The following ROBO1 variants were observed in gnomAD, a reference collection of about 807,000 sequenced individuals.
ROBO1 encodes roundabout homolog 1.
A neutral mutation model predicts 195.9 loss-of-function variants in ROBO1; 149 were observed. The observed-to-expected ratio is 0.76, with a 90% CI of 0.67 to 0.87. The LOEUF (loss-of-function observed/expected upper bound fraction) is 0.87. Ranked by LOEUF, ROBO1 falls within the 40% of genes least tolerant of loss-of-function variation. The pLI, the probability that ROBO1 is intolerant of heterozygous loss-of-function variation, is 0.00. For synonymous variants in ROBO1, 816 were observed against 733.2 expected (o/e 1.11, Z -1.82); for missense variants, 1,933 against 2,068.3 (o/e 0.93, Z 1.27).
chr3:78,704,089 T>G (rs557652700), intron 8 of ROBO1, among the ~76,000 whole-genome samples: 2 of 152,228 alleles, frequency 1.3e-5, no homozygotes, highest in East Asian at 3.9e-4. Flanking sequence ...AGATCTTGGA[T>G]TATACTAAAC....
At chr3:78,843,208 T>G (rs1195871377) in intron 4 of ROBO1, among the ~76,000 whole-genome samples, 1 of 152,126 alleles carries the variant, frequency 6.6e-6, no homozygotes, top group Non-Finnish European at 1.5e-5. Flanking sequence ...ATATCCTTTT[T>G]AAAATTTCTG....
intron 4 of ROBO1, among the ~76,000 whole-genome samples, chr3:78,756,135 G>A (rs896654660): frequency 3.9e-5 from 6 of 151,936 alleles, no homozygotes; most frequent in South Asian, 4.1e-4. Context: ...ATACAGACAC[G>A]TGACATACAT....
At chr3:79,283,737 G>C (rs549074193) in intron 2 of ROBO1, among the ~76,000 whole-genome samples, 1 of 146,302 alleles carries the variant, frequency 6.8e-6, no homozygotes, top group Non-Finnish European at 1.5e-5. Flanking sequence ...TCGCTCTGTC[G>C]CCCAGGCTGG....
At chr3:79,609,267 T>G (rs1944583078) in intron 1 of ROBO1, among the ~76,000 whole-genome samples, 1 of 151,292 alleles carries the variant, frequency 6.6e-6, no homozygotes, top group East Asian at 1.9e-4. Flanking sequence ...GCTAGCAACT[T>G]CTAAGGAAAA....
chr3:79,480,748 G>T (rs1370142377), intron 2 of ROBO1, among the ~76,000 whole-genome samples: 3 of 152,070 alleles, frequency 2.0e-5, no homozygotes, highest in Non-Finnish European at 4.4e-5. Flanking sequence ...ATTGGAGCTT[G>T]GTTTAGTTTA....
At chr3:78,770,873 T>C (rs1475519100) in intron 4 of ROBO1, among the ~76,000 whole-genome samples, 1 of 152,076 alleles carries the variant, frequency 6.6e-6, no homozygotes, top group African/African-American at 2.4e-5. Flanking sequence ...AAGACCAACC[T>C]GGGCAACAGA....
At chr3:78,679,364 T>G (rs2080829494) in intron 10 of ROBO1, among the ~76,000 whole-genome samples, 1 of 152,016 alleles carries the variant, frequency 6.6e-6, no homozygotes, top group South Asian at 2.1e-4. Context: ...GGTATTCAAT[T>G]AGGAAAAGAG....
At chr3:79,408,776 A>G (rs1256631343) in intron 2 of ROBO1, among the ~76,000 whole-genome samples, 3 of 152,166 alleles carry the variant, frequency 2.0e-5, no homozygotes, top group African/African-American at 7.2e-5. Flanking sequence ...ATTTTTCTAT[A>G]TTTTAGATTT....
At chr3:79,730,601 T>C (rs1157944758) in intron 1 of ROBO1, among the ~76,000 whole-genome samples, 2 of 152,114 alleles carry the variant, frequency 1.3e-5, no homozygotes, top group South Asian at 4.1e-4. Flanking sequence ...TATATTTCAT[T>C]TGAGAATGCT....
intron 2 of ROBO1, among the ~76,000 whole-genome samples, chr3:79,531,437 C>A (rs1941657993): frequency 6.6e-6 from 1 of 152,050 alleles, no homozygotes. Context: ...GGGTGGGCAA[C>A]ATGTCAAAAC....
At chr3:79,256,400 G>C (rs2082834332) in intron 2 of ROBO1, among the ~76,000 whole-genome samples, 1 of 152,078 alleles carries the variant, frequency 6.6e-6, no homozygotes, top group Non-Finnish European at 1.5e-5. Flanking sequence ...TGTTAATCTA[G>C]TTGATTAAAA....
intron 1 of ROBO1, among the ~76,000 whole-genome samples, chr3:79,630,176 C>T (rs529032396): frequency 6.6e-6 from 1 of 151,964 alleles, no homozygotes; most frequent in African/African-American, 2.4e-5. Flanking sequence ...CAAAACCAAG[C>T]AAGGGCACCA....
At chr3:79,677,719 G>T (rs975186011) in intron 1 of ROBO1, among the ~76,000 whole-genome samples, 2 of 152,096 alleles carry the variant, frequency 1.3e-5, no homozygotes, top group African/African-American at 4.8e-5. Context: ...GCAGGCAACA[G>T]CCAACAAGAA....
At chr3:79,685,913 C>G (rs764073058) in intron 1 of ROBO1, among the ~76,000 whole-genome samples, 1 of 151,948 alleles carries the variant, frequency 6.6e-6, no homozygotes, top group Non-Finnish European at 1.5e-5. Flanking sequence ...GCAGAGACAA[C>G]AACAAAAAAA....
At chr3:79,533,959 C>G (rs1941755373) in intron 2 of ROBO1, among the ~76,000 whole-genome samples, 1 of 151,902 alleles carries the variant, frequency 6.6e-6, no homozygotes, top group Admixed American at 6.6e-5. Context: ...TCAGCTGAAT[C>G]TATTATAGGG....
chr3:79,442,744 T>G (rs866052772), intron 2 of ROBO1, among the ~76,000 whole-genome samples: 3 of 152,166 alleles, frequency 2.0e-5, no homozygotes, highest in South Asian at 4.1e-4. Flanking sequence ...GCTTCAAAAC[T>G]TTCACTAACA....
intron 2 of ROBO1, among the ~76,000 whole-genome samples, chr3:79,386,478 C>T (rs946132124): frequency 6.6e-6 from 1 of 151,998 alleles, no homozygotes; most frequent in Non-Finnish European, 1.5e-5. Context: ...AGCAATACTA[C>T]GTAATTAGTT....
At chr3:78,934,437 G>A (rs551457843) in intron 4 of ROBO1, among the ~76,000 whole-genome samples, 2 of 151,668 alleles carry the variant, frequency 1.3e-5, no homozygotes, top group Middle Eastern at 3.4e-3. Context: ...ATTTTTAAAT[G>A]GTACTTTTTT....
chr3:79,525,716 C>T (rs1024181847), intron 2 of ROBO1, among the ~76,000 whole-genome samples: 4 of 151,404 alleles, frequency 2.6e-5, no homozygotes, highest in Non-Finnish European at 5.9e-5. Context: ...AGCAATTCTC[C>T]TGCCTCAGCC....
Sources: allele counts gnomAD v4.1 joint callset (sites outside exome capture counted in the v4.1 genomes callset), GRCh38; gene constraint gnomAD v4.1.1; transcripts MANE v1.5; gene names NCBI Gene and HGNC (gene_info 2026-07-23, HGNC 2026-07-21).